The following ANKH variants were observed in gnomAD, a reference collection of about 807,000 sequenced individuals.
ANKH encodes the protein mineralization regulator ANKH.
In ANKH, 15 loss-of-function variants were observed where a neutral mutation model predicts 49.0. The observed-to-expected ratio is 0.31, with a 90% CI of 0.20 to 0.47. The LOEUF is 0.47. ANKH is among the 20% of genes least tolerant of loss of function. ANKH has a pLI of 1.00. For synonymous variants in ANKH, 273 were observed against 260.0 expected, an observed-to-expected ratio of 1.05 and a Z score of -0.48; for missense variants, 429 against 652.0, an observed-to-expected ratio of 0.66 and a Z score of 3.72.
intron 8 of ANKH, among the ~76,000 whole-genome samples, chr5:14,726,122 C>T (rs540615670): frequency 6.6e-6 from 1 of 152,222 alleles, no homozygotes; most frequent in African/African-American, 2.4e-5. Context: ...AACCATGTCC[C>T]ACATCACCTC....
At chr5:14,861,485 T>C (rs181088987) in intron 1 of ANKH, among the ~76,000 whole-genome samples, 16 of 152,322 alleles carry the variant, frequency 1.1e-4, no homozygotes, top group African/African-American at 3.4e-4. Flanking sequence ...TGCTCTGTTT[T>C]TGGATTTCTC....
rs1735832190 is a variant in ANKH, at chr5:14,871,590, C to T, written c.-143G>A. ...GGCGGGGCCTCGGGCGCGGCGGCGG[C>T]GGCTCCTCCTCGCGGCTGCGGCGCC... On this transcript the variant is annotated 5_prime_UTR_variant, in exon 1 of 12. Coordinates refer to ENST00000284268, the MANE Select transcript of ANKH (RefSeq NM_054027.6). 1.2e-5 allele frequency: 3 copies of T among 253,922 alleles called. No individual in the cohort carries two copies. The highest frequency in any genetic ancestry group is 1.4e-4 in the South Asian group (1 of 7,392). The allele number at this position is 253,922 out of a possible 1,614,324, so 15.7% of individuals were successfully genotyped here. A position where few individuals can be genotyped will look rare whatever the true frequency, so the allele number is the denominator to read the frequency against.
At chr5:14,797,019 T>C in intron 1 of ANKH, 4 of 1,174,718 alleles carry the variant, frequency 3.4e-6, no homozygotes, top group East Asian at 3.9e-5. Context: ...ACCTATTATA[T>C]AGAGGGATAG....
At chr5:14,797,071 G>T in intron 1 of ANKH, 7 of 1,322,538 alleles carry the variant, frequency 5.3e-6, no homozygotes, top group East Asian at 2.9e-5. Flanking sequence ...AATCACTCTC[G>T]GGGTTGAGAA....
chr5:14,851,191 C>T (rs1454443549), intron 1 of ANKH, among the ~76,000 whole-genome samples: 1 of 152,128 alleles, frequency 6.6e-6, no homozygotes, highest in Non-Finnish European at 1.5e-5. Context: ...CACCAACACC[C>T]AGAGAAAAGG....
At chr5:14,785,431 C>T (rs1269445616) in intron 1 of ANKH, among the ~76,000 whole-genome samples, 1 of 152,150 alleles carries the variant, frequency 6.6e-6, no homozygotes, top group Non-Finnish European at 1.5e-5. Flanking sequence ...CCCTCTCTTG[C>T]TCTCACCATG....
chr5:14,850,619 T>A (rs1022706576), intron 1 of ANKH, among the ~76,000 whole-genome samples: 1 of 152,216 alleles, frequency 6.6e-6, no homozygotes, highest in African/African-American at 2.4e-5. Flanking sequence ...ACAGTCCTAC[T>A]ATGGCACCTC....
chr5:14,713,195 A>G lies in ANKH; in HGVS notation c.1266-222T>C, dbSNP rs533933795. On this transcript the variant is annotated intron_variant, in intron 10 of 11. Coordinates refer to ENST00000284268, the MANE Select transcript of ANKH (RefSeq NM_054027.6). This position sits in a 1 kb window ranked among gnomAD's most constrained non-coding sequence, Gnocchi z 4.4. ...CCCTCCCACAGCACATGGATCCCAC[A>G]GCCCTTCCCACCCTCCCCAGGACGC... is the stretch of plus-strand genomic sequence containing the variant. Among the ~76,000 whole-genome samples the G allele has an allele frequency of 2.6e-5, 4 of 152,218 alleles. No homozygotes were observed. Among genetic ancestry groups the G allele is most frequent in the Non-Finnish European group, 4.4e-5 (3 of 67,984 alleles).
At chr5:14,750,989 T>C in intron 5 of ANKH, 80 bp downstream of exon 5, 1 of 1,563,398 alleles carries the variant, frequency 6.4e-7, no homozygotes, top group South Asian at 1.1e-5. Context: ...GTCACTGATT[T>C]CTCATTTTAC....
intron 1 of ANKH, among the ~76,000 whole-genome samples, chr5:14,793,007 A>T (rs10044417): frequency 1.3e-5 from 1 of 79,702 alleles, no homozygotes; most frequent in South Asian, 3.7e-4. Context: ...TATATATATA[A>T]ATATATATAT....
At chr5:14,766,024 T>C (rs904459096) in intron 2 of ANKH, among the ~76,000 whole-genome samples, 1 of 152,208 alleles carries the variant, frequency 6.6e-6, no homozygotes, top group Non-Finnish European at 1.5e-5. Flanking sequence ...TAGATGGCTA[T>C]AGCAAAATAT....
chr5:14,766,716 C>T (rs1243054248), intron 2 of ANKH, among the ~76,000 whole-genome samples: 1 of 152,190 alleles, frequency 6.6e-6, no homozygotes, highest in Admixed American at 6.5e-5. Flanking sequence ...TATATTCCCA[C>T]TCTGTGAATT....
At chr5:14,857,742 A>G (rs1735323640) in intron 1 of ANKH, among the ~76,000 whole-genome samples, 1 of 152,230 alleles carries the variant, frequency 6.6e-6, no homozygotes, top group Non-Finnish European at 1.5e-5. Context: ...GGAGTTCAAC[A>G]TGGTGTGGCT....
chr5:14,723,741 G>T (rs944738246), intron 8 of ANKH, among the ~76,000 whole-genome samples: 2 of 152,206 alleles, frequency 1.3e-5, no homozygotes, highest in Non-Finnish European at 2.9e-5. Flanking sequence ...GCCATTGACC[G>T]TGAAGTGTCT....
chr5:14,753,108 C>T (rs1738772621), intron 4 of ANKH, among the ~76,000 whole-genome samples: 1 of 152,008 alleles, frequency 6.6e-6, no homozygotes, highest in South Asian at 2.1e-4. Flanking sequence ...AGGGACACCT[C>T]CTCCCCTACA....
intron 7 of ANKH, among the ~76,000 whole-genome samples, chr5:14,744,890 A>G (rs558693041): frequency 6.1e-4 from 93 of 152,336 alleles, no homozygotes; most frequent in African/African-American, 2.2e-3. Context: ...GTGGCTTCCC[A>G]GGGCTTCCCG....
Position 14,706,204 on chromosome 5 carries a change from A to G in ANKH, c.*4993T>C, listed in dbSNP as rs1377679904. The G allele has an allele frequency of 6.6e-6, 1 of 152,204 alleles. No homozygotes were observed. Among genetic ancestry groups the G allele is most frequent in the Non-Finnish European group, 1.5e-5 (1 of 68,022 alleles). The allele number at this position is 152,204 out of a possible 1,614,324, so 9.4% of individuals were successfully genotyped here. On this transcript the variant is annotated 3_prime_UTR_variant, in exon 12 of 12. Coordinates refer to ENST00000284268, the MANE Select transcript of ANKH (RefSeq NM_054027.6). ...CTTTAAGTTATGTAGCCTAACTTAAAAACAGGTACTATATAAAAAAAATTT... is the reference window on the plus strand; with the variant it reads ...CTTTAAGTTATGTAGCCTAACTTAAGAACAGGTACTATATAAAAAAAATTT...
chr5:14,832,347 C>T (rs907384101), intron 1 of ANKH, among the ~76,000 whole-genome samples: 2 of 152,084 alleles, frequency 1.3e-5, no homozygotes, highest in African/African-American at 4.8e-5. Context: ...TGCTTTCCAC[C>T]ACTGCGATTT....
At chr5:14,784,431 A>G (rs1427622098) in intron 1 of ANKH, among the ~76,000 whole-genome samples, 1 of 152,202 alleles carries the variant, frequency 6.6e-6, no homozygotes, top group Non-Finnish European at 1.5e-5. Context: ...ACACGTCTCT[A>G]CCATCATCAG....
Sources: gnomAD v4.1 joint callset for allele counts (sites outside exome capture counted in the v4.1 genomes callset) on GRCh38, gnomAD v4.1.1 for gene constraint, Gnocchi (gnomAD v3.1) non-coding constraint, MANE v1.5 for transcripts, NCBI Gene and HGNC (gene_info 2026-07-23, HGNC 2026-07-21) for gene names.